CCNY: variants seen among roughly 807,000 people sequenced by gnomAD.
CCNY encodes cyclin Y.
In CCNY, 19 loss-of-function variants were observed where a neutral mutation model predicts 42.8. The ratio of observed to expected loss-of-function variants is 0.44; its 90% CI spans 0.31 to 0.65. The LOEUF is 0.65. Ranked by LOEUF, CCNY falls within the 30% of genes least tolerant of loss-of-function variation. The pLI is 0.07. For synonymous variants in CCNY, 165 were observed against 162.7 expected, an observed-to-expected ratio of 1.01 and a Z score of -0.11; for missense variants, 370 against 437.3, an observed-to-expected ratio of 0.85 and a Z score of 1.37.
Position 35,465,905 on chromosome 10 carries a change from AAGAGAGAGAG to A in CCNY, c.155-17474_155-17465del, listed in dbSNP as rs56166429. Among the ~76,000 whole-genome samples the A allele has an allele frequency of 3.3e-3, 323 of 99,238 alleles. 4 individuals are homozygous for A. Among genetic ancestry groups the A allele is most frequent in the African/African-American group, 0.012 (296 of 25,638 alleles). The allele number at this position is 99,238 out of a possible 152,430, so 65.1% of individuals were successfully genotyped here. On this transcript the variant is annotated intron_variant, in intron 1 of 9. Transcript: ENST00000374704. The stretch of plus-strand genomic sequence containing the variant: ...TCAGGATTATCAGCAGGGTAGGGGG[AAGAGAGAGAG>A]AGAGAGAGAGAGAGAGAGAGAGAGT...
intron 1 of CCNY, among the ~76,000 whole-genome samples, chr10:35,483,032 A>T (rs1839708810): frequency 6.6e-6 from 1 of 152,178 alleles, no homozygotes; most frequent in Non-Finnish European, 1.5e-5. Context: ...TGAATAAGGA[A>T]CTACCATGTA....
chr10:35,295,063 A>T (rs551001988), intron 3 of CCNY, among the ~76,000 whole-genome samples: 1 of 151,788 alleles, frequency 6.6e-6, no homozygotes, highest in Admixed American at 6.6e-5. Context: ...GCTGAGGCAG[A>T]TGGATTGCTT....
intron 1 of CCNY, among the ~76,000 whole-genome samples, chr10:35,469,615 G>C (rs968718694): frequency 1.3e-5 from 2 of 151,840 alleles, no homozygotes; most frequent in Non-Finnish European, 2.9e-5. Context: ...GCAGTGGAGA[G>C]ACAGATAGAC....
rs115335356 is a variant in CCNY at position 35,260,237 on chromosome 10, G to A, written c.-9+9611G>A. On this transcript the variant is annotated intron_variant, in intron 3 of 11. Coordinates refer to the CCNY transcript ENST00000374706. ...CTCATTCCTGCCAGCTCTTCTCAGA[G>A]TCTGAGTCAGACAGGACCACAGGGA... Among the ~76,000 whole-genome samples the A allele has an allele frequency of 5.3e-3, 805 of 152,222 alleles. 6 individuals carry two copies. Among genetic ancestry groups the A allele is most frequent in the African/African-American group, 0.019 (778 of 41,536 alleles).
chr10:35,533,611 A>G (rs1395529604), intron 7 of CCNY, among the ~76,000 whole-genome samples: 1 of 152,176 alleles, frequency 6.6e-6, no homozygotes, highest in Non-Finnish European at 1.5e-5. Flanking sequence ...CAAAGGGCAC[A>G]TCAGGGGGCT....
intron 1 of CCNY, among the ~76,000 whole-genome samples, chr10:35,470,326 T>TGG (rs2135344583): frequency 6.7e-6 from 1 of 148,572 alleles, no homozygotes; most frequent in East Asian, 2.0e-4. Flanking sequence ...GATGCAGAGA[T>TGG]GGACAGGGAG....
chr10:35,324,858 G>T (rs1298412978), intron 3 of CCNY, among the ~76,000 whole-genome samples: 2 of 152,048 alleles, frequency 1.3e-5, no homozygotes, highest in African/African-American at 4.8e-5. Context: ...CTTCATAAAG[G>T]ATATTTTGTG....
At chr10:35,565,784 C>G (rs1017380568) in intron 8 of CCNY, among the ~76,000 whole-genome samples, 1 of 152,140 alleles carries the variant, frequency 6.6e-6, no homozygotes, top group Non-Finnish European at 1.5e-5. Flanking sequence ...TGAAGTGATT[C>G]GCCCTGAAAC....
At chr10:35,482,390 T>C (rs922868799) in intron 1 of CCNY, among the ~76,000 whole-genome samples, 1 of 152,258 alleles carries the variant, frequency 6.6e-6, no homozygotes, top group African/African-American at 2.4e-5. Flanking sequence ...TTGATCTCTT[T>C]CCTTCCCTAA....
chr10:35,549,205 A>G (rs1348288364), intron 7 of CCNY, among the ~76,000 whole-genome samples: 1 of 151,132 alleles, frequency 6.6e-6, no homozygotes, highest in Admixed American at 6.6e-5. Flanking sequence ...GGGCTTCACA[A>G]CTGCACCTGG....
chr10:35,508,037 A>T (rs1196995837), intron 3 of CCNY, among the ~76,000 whole-genome samples: 1 of 152,160 alleles, frequency 6.6e-6, no homozygotes, highest in African/African-American at 2.4e-5. Flanking sequence ...ACTAATAAGC[A>T]GTCTCTGGGC....
chr10:35,438,398 C>T (rs539685233), intron 1 of CCNY, among the ~76,000 whole-genome samples: 12 of 152,042 alleles, frequency 7.9e-5, no homozygotes, highest in Admixed American at 2.6e-4. Flanking sequence ...TCAAGTGATC[C>T]TCCTGCCTCA....
intron 1 of CCNY, among the ~76,000 whole-genome samples, chr10:35,401,133 TTG>T (rs1341612661): frequency 6.6e-6 from 1 of 152,266 alleles, no homozygotes; most frequent in Non-Finnish European, 1.5e-5. Flanking sequence ...TTCCTATTTT[TTG>T]TAGAATTTTA....
chr10:35,406,240 T>TA (rs1837763956), intron 1 of CCNY, among the ~76,000 whole-genome samples: 1 of 148,230 alleles, frequency 6.7e-6, no homozygotes, highest in Middle Eastern at 3.2e-3. Flanking sequence ...TTTATTTATT[T>TA]ATTTTTTTAT....
intron 1 of CCNY, among the ~76,000 whole-genome samples, chr10:35,383,055 C>T (rs1016253819): frequency 3.9e-5 from 6 of 152,064 alleles, no homozygotes; most frequent in Non-Finnish European, 8.8e-5. Flanking sequence ...GGATCGAAAA[C>T]GCAATATTTC....
intron 3 of CCNY, among the ~76,000 whole-genome samples, chr10:35,260,015 G>A (rs1308515684): frequency 6.6e-6 from 1 of 151,994 alleles, no homozygotes; most frequent in Non-Finnish European, 1.5e-5. Context: ...AACTACCAGG[G>A]CCAGAGAAAG....
intron 2 of CCNY, among the ~76,000 whole-genome samples, chr10:35,488,608 T>C (rs1220728258): frequency 6.6e-6 from 1 of 152,236 alleles, no homozygotes; most frequent in Non-Finnish European, 1.5e-5. Flanking sequence ...TTTTCATGCT[T>C]TGTTCCTTTG....
At chr10:35,412,713 T>C (rs1305584718) in intron 1 of CCNY, among the ~76,000 whole-genome samples, 6 of 146,684 alleles carry the variant, frequency 4.1e-5, no homozygotes, top group Non-Finnish European at 9.0e-5. Context: ...AAAAAAAAAT[T>C]AGCTGGGTGT....
rs190059856 is a variant in CCNY at position 35,450,091 on chromosome 10, C to T, written c.155-33313C>T. Among the ~76,000 whole-genome samples the T allele has an allele frequency of 3.5e-3, 530 of 152,102 alleles. 5 individuals carry two copies. The highest frequency in any genetic ancestry group is 0.013 in the African/African-American group (519 of 41,494). On this transcript the variant is annotated intron_variant, in intron 1 of 9. Transcript: ENST00000374704. The stretch of plus-strand genomic sequence containing the variant: ...TGAGAGCACCAGGGAGCCAATATGA[C>T]TACAAGGCTGTGGCTCTGAGTCGGG...
Sources: allele counts gnomAD v4.1 joint callset (sites outside exome capture counted in the v4.1 genomes callset), GRCh38; gene constraint gnomAD v4.1.1; transcripts MANE v1.5; gene names NCBI Gene and HGNC (gene_info 2026-07-23, HGNC 2026-07-21).